CAT: variants seen among roughly 807,000 people sequenced by gnomAD.
The protein encoded by CAT is catalase.
A neutral mutation model predicts 59.0 loss-of-function variants in CAT; 43 were observed. That is an observed-to-expected ratio of 0.73 (90% CI 0.57 to 0.94). The LOEUF is 0.94. Among genes scored for constraint, CAT ranks in the 40% least tolerant of loss-of-function variants. The pLI, the probability that CAT is intolerant of heterozygous loss-of-function variation, is 0.00. For synonymous variants in CAT, 218 were observed against 230.9 expected (o/e 0.94, Z 0.51); for missense variants, 664 against 682.9 (o/e 0.97, Z 0.31).
intron 1 of CAT, among the ~76,000 whole-genome samples, chr11:34,441,883 G>C (rs1200068221): frequency 6.6e-6 from 1 of 152,216 alleles, no homozygotes; most frequent in African/African-American, 2.4e-5. Context: ...GAAATACCTA[G>C]GAGTAGATTT....
chr11:34,455,880 A>G (rs987444233), intron 6 of CAT, 131 bp from the exon 7 acceptor site: 6 of 715,874 alleles, frequency 8.4e-6, no homozygotes, highest in Non-Finnish European at 1.5e-5. Flanking sequence ...GATTTGAACA[A>G]TAGAAGTATT....
chr11:34,439,080 G>C lies in CAT; in HGVS notation c.66+1G>C. The C allele has an allele frequency of 6.3e-7, 1 of 1,585,936 alleles. No homozygotes were observed. The highest frequency in any genetic ancestry group is 8.6e-7 in the Non-Finnish European group (1 of 1,166,064). On this transcript the variant is annotated splice_donor_variant, in intron 1 of 12. Coordinates refer to ENST00000241052, the MANE Select transcript of CAT (RefSeq NM_001752.4). LOFTEE classifies it high-confidence loss of function. Reference sequence around the variant, plus strand: ...CTGGAAGGAGCAGCGGGCCGCGCAGGTACACTCTGTGCTCCCCGAGCGGGC... The same window carrying C: ...CTGGAAGGAGCAGCGGGCCGCGCAGCTACACTCTGTGCTCCCCGAGCGGGC...
At chr11:34,452,989 A>G in intron 4 of CAT, 101 bp from the exon 5 acceptor site, 1 of 772,166 alleles carries the variant, frequency 1.3e-6, no homozygotes, top group Non-Finnish European at 2.3e-6. Flanking sequence ...TTGTATTTAG[A>G]ATTATAATCC....
Position 34,451,092 on chromosome 11 carries a change from A to ACTGTT in CAT, c.344_348dup (p.Ala117LeufsTer20). 1 of 1,591,222 alleles carries ACTGTT rather than the reference A, an allele frequency of 6.3e-7. No homozygotes were observed. Among genetic ancestry groups the ACTGTT allele is most frequent in the Non-Finnish European group, 8.6e-7 (1 of 1,159,050 alleles). On this transcript the variant is annotated frameshift_variant, in exon 3 of 13. Transcript: ENST00000241052. LOFTEE classifies it high-confidence loss of function. ...GACTCCCATCGCAGTTCGGTTCTCCACTGTTGGTAAGTTGGTTTATTGGCG... is the reference window on the plus strand; with the variant it reads ...GACTCCCATCGCAGTTCGGTTCTCCACTGTTCTGTTGGTAAGTTGGTTTATTGGCG...
At chr11:34,454,488 GA>G (rs752428634) in intron 6 of CAT, among the ~76,000 whole-genome samples, 4 of 152,188 alleles carry the variant, frequency 2.6e-5, no homozygotes, top group Non-Finnish European at 5.9e-5. Flanking sequence ...ACAAGCCTGA[GA>G]ACCTCTGTTT....
chr11:34,447,578 T>C (rs1362611122), intron 1 of CAT, among the ~76,000 whole-genome samples: 2 of 152,188 alleles, frequency 1.3e-5, no homozygotes, highest in Non-Finnish European at 1.5e-5. Flanking sequence ...TGTGACAGTT[T>C]AGAAGGGGCT....
chr11:34,461,144 C>G, intron 8 of CAT, 107 bp from the exon 9 acceptor site: 1 of 1,222,948 alleles, frequency 8.2e-7, no homozygotes, highest in South Asian at 1.2e-5. Flanking sequence ...TTGTGGTAAC[C>G]ATGTACAGAG....
rs1856353099 is a variant in CAT at position 34,439,087 on chromosome 11, CTG to C, written c.66+11_66+12del. The C allele has an allele frequency of 1.9e-6, 3 of 1,581,038 alleles. No individual in the cohort carries two copies. Among genetic ancestry groups the C allele is most frequent in the African/African-American group, 2.7e-5 (2 of 74,170 alleles). ...GAGCAGCGGGCCGCGCAGGTACACT[CTG>C]TGCTCCCCGAGCGGGCCCGAAGGTC... On this transcript the variant is annotated intron_variant, in intron 1 of 12. Transcript: ENST00000241052.
chr11:34,444,507 T>C (rs1246968812), intron 1 of CAT, among the ~76,000 whole-genome samples: 1 of 152,116 alleles, frequency 6.6e-6, no homozygotes, highest in African/African-American at 2.4e-5. Context: ...TGTACGTGGG[T>C]GTATACGTTG....
rs367899200 is a variant in CAT at position 34,456,764 on chromosome 11, G to A, written c.1003G>A (p.Asp335Asn). Reference protein sequence around the residue: ...YFAEVEQIAFDPSNMPPGIEA... With the variant: ...YFAEVEQIAFNPSNMPPGIEA... The stretch of plus-strand genomic sequence containing the variant: ...TGCTGAGGTTGAACAGATAGCCTTC[G>A]ACCCAAGCAACATGCCACCTGGCAT... Residue 335 changes from aspartate to asparagine, a missense_variant, in exon 8 of 13, where the codon GAC becomes AAC. Coordinates refer to ENST00000241052, the MANE Select transcript of CAT (RefSeq NM_001752.4). 46 of 1,614,030 alleles carry A rather than the reference G, an allele frequency of 2.9e-5. No homozygotes were observed. In the African/African-American group the frequency reaches 3.5e-4, roughly 12 times the overall value.
intron 1 of CAT, among the ~76,000 whole-genome samples, chr11:34,445,614 C>T (rs188169593): frequency 6.7e-6 from 1 of 149,394 alleles, no homozygotes; most frequent in African/African-American, 2.5e-5. Flanking sequence ...TGGTGTGGGG[C>T]AGGGTAGAGA....
At chr11:34,468,889 GTCAA>G (rs1390393377) in intron 11 of CAT, among the ~76,000 whole-genome samples, 2 of 152,114 alleles carry the variant, frequency 1.3e-5, no homozygotes, top group Non-Finnish European at 2.9e-5. Context: ...TCTAAAATCA[GTCAA>G]TCAGTCAATC....
chr11:34,462,986 A>G (rs1856667335), intron 9 of CAT, among the ~76,000 whole-genome samples: 1 of 152,204 alleles, frequency 6.6e-6, no homozygotes, highest in South Asian at 2.1e-4. Flanking sequence ...ATTGGGCTCT[A>G]TAATAGTATG....
chr11:34,470,826 C>A, intron 11 of CAT, 132 bp from the exon 12 acceptor site: 1 of 798,142 alleles, frequency 1.3e-6, no homozygotes, highest in Non-Finnish European at 2.2e-6. Context: ...CATTGTTAAA[C>A]ACCTGTAGTA....
chr11:34,464,679 G>T (rs2133858479), intron 10 of CAT, among the ~76,000 whole-genome samples: 1 of 151,892 alleles, frequency 6.6e-6, no homozygotes, highest in Non-Finnish European at 1.5e-5. Flanking sequence ...CCTTCACGTG[G>T]CTTATTCTCC....
chr11:34,462,328 A>G (rs1856660973), intron 9 of CAT, among the ~76,000 whole-genome samples: 1 of 152,228 alleles, frequency 6.6e-6, no homozygotes, highest in Non-Finnish European at 1.5e-5. Flanking sequence ...TGTCCTAAAG[A>G]AAATTTGGAA....
rs147148220 is a variant in CAT, at chr11:34,453,840, C to G, written c.625C>G (p.His209Asp). ...CAGTGATCGGGGGATTCCAGATGGA[C>G]ATCGCCACATGAATGGATATGGATC... ...LFSDRGIPDG[H>D]RHMNGYGSHT... Residue 209 changes from histidine (H) to aspartate (D), a missense_variant, in exon 6 of 13, where the codon CAT (histidine) becomes GAT (aspartate). Transcript: ENST00000241052. 8 of 1,613,346 alleles carry G rather than the reference C, an allele frequency of 5.0e-6. No individual in the cohort carries two copies. Among genetic ancestry groups the G allele is most frequent in the Non-Finnish European group, 6.8e-6 (8 of 1,179,264 alleles).
Position 34,451,036 on chromosome 11 carries a change from A to G in CAT, c.287A>G (p.Lys96Arg). The change falls in exon 3 of 13, where the codon AAG (lysine) becomes AGG (arginine). Residue 96 changes from lysine to arginine, a missense_variant. Transcript: ENST00000241052. Reference protein sequence around the residue: ...EVTHDITKYSKAKVFEHIGKK... With the variant: ...EVTHDITKYSRAKVFEHIGKK... Reference sequence around the variant, plus strand: ...ACACATGACATTACCAAATACTCCAAGGCAAAGGTATTTGAGCATATTGGA... The same window carrying G: ...ACACATGACATTACCAAATACTCCAGGGCAAAGGTATTTGAGCATATTGGA... 6.2e-7 allele frequency: 1 copy of G among 1,613,938 alleles called. No individual in the cohort carries two copies. Among genetic ancestry groups the G allele is most frequent in the Non-Finnish European group, 8.5e-7 (1 of 1,179,786 alleles).
chr11:34,451,930 G>A, intron 3 of CAT, 147 bp from the exon 4 acceptor site: 1 of 771,394 alleles, frequency 1.3e-6, no homozygotes, highest in East Asian at 2.6e-5. Flanking sequence ...CTGGTGGGTA[G>A]AAATAATAAC....
Sources: allele counts gnomAD v4.1 joint callset (sites outside exome capture counted in the v4.1 genomes callset), GRCh38; gene constraint gnomAD v4.1.1; transcripts MANE v1.5; gene names NCBI Gene and HGNC (gene_info 2026-07-23, HGNC 2026-07-21).